RTN2: variants seen among roughly 807,000 people sequenced by gnomAD.
The protein encoded by RTN2 is reticulon 2.
Under a neutral mutation model 63.7 loss-of-function variants are expected in RTN2, and 36 were observed. That is an observed-to-expected ratio of 0.56 (90% CI 0.43 to 0.75). The LOEUF (loss-of-function observed/expected upper bound fraction) is 0.75. Ranked by LOEUF, RTN2 falls within the 30% of genes least tolerant of loss-of-function variation. RTN2 has a pLI of 0.00. For synonymous variants in RTN2, 312 were observed against 313.0 expected, an observed-to-expected ratio of 1.00 and a Z score of 0.03; for missense variants, 673 against 705.1, an observed-to-expected ratio of 0.95 and a Z score of 0.52.
rs936435150 is a variant in RTN2 at position 45,485,561 on chromosome 19, G to A, written c.*147C>T. 6.1e-6 allele frequency: 4 copies of A among 652,506 alleles called. No individual in the cohort carries two copies. Among genetic ancestry groups the A allele is most frequent in the Non-Finnish European group, 1.1e-5 (4 of 365,352 alleles). 40.4% of individuals were successfully genotyped at this position (652,506 alleles called of 1,614,324 possible). A position where few individuals can be genotyped will look rare whatever the true frequency, so the allele number is the denominator to read the frequency against. On this transcript the variant is annotated 3_prime_UTR_variant, in exon 11 of 11. Transcript: ENST00000245923. ...AGTCCTGGTCGCTCAGGTAATTAGC[G>A]CAGAGTCCCTAGTGGGAGTGATCCT...
Position 45,489,409 on chromosome 19 carries a change from G to A in RTN2, c.1178C>T (p.Ser393Phe), listed in dbSNP as rs1282873259. The change falls in exon 6 of 11, where the codon TCT becomes TTT. Residue 393 changes from serine to phenylalanine, a missense_variant. Coordinates refer to ENST00000245923, the MANE Select transcript of RTN2 (RefSeq NM_005619.5). ...LALLLLCGTI[S>F]LRVYRKVLQA... ...CAGCACTTTGCGGTAAACCCTGAGA[G>A]AGATGGTGCCGCAGAGCAGCAACAG... The A allele has an allele frequency of 6.2e-7, 1 of 1,604,236 alleles. No individual in the cohort carries two copies. The highest frequency in any genetic ancestry group is 8.5e-7 in the Non-Finnish European group (1 of 1,175,870).
chr19:45,486,894 C>T (rs1467155376), intron 9 of RTN2, among the ~76,000 whole-genome samples: 2 of 151,262 alleles, frequency 1.3e-5, no homozygotes, highest in African/African-American at 4.9e-5. Flanking sequence ...ACCACCAAGC[C>T]TTGCTAATTT....
At chr19:45,491,192 ATTT>A (rs540698296) in intron 5 of RTN2, among the ~76,000 whole-genome samples, 1 of 141,278 alleles carries the variant, frequency 7.1e-6, no homozygotes, top group Admixed American at 7.1e-5. Flanking sequence ...GCCCGGCCAC[ATTT>A]TTTTTTTTTT....
At chr19:45,493,808 A>G in intron 4 of RTN2, 1 of 290,944 alleles carries the variant, frequency 3.4e-6, no homozygotes, top group Non-Finnish European at 6.5e-6. Context: ...CAGTGGCGCG[A>G]TCTTGGCTCA....
Position 45,488,470 on chromosome 19 carries a change from C to A in RTN2, c.1497+1G>T. The A allele has an allele frequency of 6.2e-7, 1 of 1,613,622 alleles. No homozygotes were observed. Among genetic ancestry groups the A allele is most frequent in the Non-Finnish European group, 8.5e-7 (1 of 1,179,790 alleles). On this transcript the variant is annotated splice_donor_variant, in intron 9 of 10. Coordinates refer to ENST00000245923, the MANE Select transcript of RTN2 (RefSeq NM_005619.5). LOFTEE classifies it high-confidence loss of function. ...CTGACAACTGAGGGTGTCACACTCA[C>A]CTGGTGCTGCCGGTACAGCAGGGGG...
At position 45,488,725 on chromosome 19, in the gene RTN2, G is replaced by T. The variant is rs764849944; in HGVS notation, c.1381-19C>A. 9.9e-6 allele frequency: 16 copies of T among 1,612,124 alleles called. 1 individual carries two copies. In the Admixed American group the frequency reaches 2.5e-4, roughly 25 times the overall value. On this transcript the variant is annotated intron_variant, in intron 7 of 10. Coordinates refer to ENST00000245923, the MANE Select transcript of RTN2 (RefSeq NM_005619.5). ...GGGCCAGCTGGGGGTGAAGGTCAGG[G>T]TCAGCAGAGCCCACCGGGAATTCCC...
rs754128612 is a variant in RTN2 at position 45,494,633 on chromosome 19, G to C, written c.452C>G (p.Ala151Gly). The C allele has an allele frequency of 1.2e-6, 2 of 1,613,860 alleles. No homozygotes were observed. The highest frequency in any genetic ancestry group is 2.2e-5 in the South Asian group (2 of 91,080). Residue 151 changes from alanine to glycine, a missense_variant, in exon 3 of 11, where the codon GCC becomes GGC. Physicochemically the swap from Ala to Gly is moderately conservative, Grantham distance 60. Transcript: ENST00000245923. This position sits in a 1 kb window ranked among gnomAD's most constrained non-coding sequence, Gnocchi z 5.3. ...GTCCTCCCCGGATCCCGTTCCCCGG[G>C]CCACCCAGCCCAGATGGTCCAACCG... ...RLRLDHLGWVARGTGSGEDSS... is the reference protein window; with the variant it reads ...RLRLDHLGWVGRGTGSGEDSS...
chr19:45,494,932 G>A lies in RTN2; in HGVS notation c.153C>T (p.Thr51=), dbSNP rs778128536. ...REFSEEDEEE[T]TSQDWGTPRE... The stretch of plus-strand genomic sequence containing the variant: ...GGGGGGTGCCCCAGTCCTGCGACGT[G>A]GTCTCCTCCTCGTCCTCCTCTGAGA... The change falls in exon 3 of 11, where the codon ACC becomes ACT. Residue 51 remains threonine (T), a synonymous_variant. Transcript: ENST00000245923. The surrounding 1 kb of genome is among the most constrained non-coding windows in gnomAD (Gnocchi z 5.3). The A allele has an allele frequency of 5.0e-6, 8 of 1,613,800 alleles. No homozygotes were observed. The highest frequency in any genetic ancestry group is 1.7e-5 in the Admixed American group (1 of 60,006).
intron 4 of RTN2, 103 bp from the exon 5 acceptor site, chr19:45,493,481 A>G: frequency 1.2e-6 from 1 of 849,490 alleles, no homozygotes; most frequent in Non-Finnish European, 1.9e-6. Flanking sequence ...TCAAATAGAG[A>G]TCGAGTCTCC....
At position 45,493,191 on chromosome 19, in the gene RTN2, G is replaced by C. The variant is rs774696872; in HGVS notation, c.1002C>G (p.Ser334Arg). Residue 334 changes from serine to arginine, a missense_variant, in exon 5 of 11, where the codon AGC becomes AGG. By Grantham distance (110) the Ser-to-Arg change is moderately radical. Coordinates refer to ENST00000245923, the MANE Select transcript of RTN2 (RefSeq NM_005619.5). ...AKSPRSSGVP[S>R]LSLGADMGSK... ...TCCCCATATCGGCTCCGAGTGAGAGGCTGGGGACACCGCTGCTTCTCGGGG... is the reference window on the plus strand; with the variant it reads ...TCCCCATATCGGCTCCGAGTGAGAGCCTGGGGACACCGCTGCTTCTCGGGG... 6.2e-7 allele frequency: 1 copy of C among 1,612,956 alleles called. No homozygotes were observed. The highest frequency in any genetic ancestry group is 1.1e-5 in the South Asian group (1 of 91,030).
chr19:45,490,251 T>C (rs1016594575), intron 5 of RTN2, among the ~76,000 whole-genome samples: 3 of 151,896 alleles, frequency 2.0e-5, no homozygotes, highest in African/African-American at 4.8e-5. Context: ...CCACCCGCCT[T>C]GGCCTCCCAA....
Position 45,493,159 on chromosome 19 carries a change from C to G in RTN2, c.1033+1G>C, listed in dbSNP as rs376030097. 6.2e-7 allele frequency: 1 copy of G among 1,611,586 alleles called. No individual in the cohort carries two copies. The highest frequency in any genetic ancestry group is 2.2e-5 in the East Asian group (1 of 44,872). On this transcript the variant is annotated splice_donor_variant, in intron 5 of 10. Coordinates refer to ENST00000245923, the MANE Select transcript of RTN2 (RefSeq NM_005619.5). LOFTEE classifies it high-confidence loss of function. ...CCGTCCAGCCCGTTCCGCAAGCCCA[C>G]CTTTACTCCCCATATCGGCTCCGAG...
chr19:45,486,242 G>A (rs1968018422), intron 9 of RTN2, 129 bp from the exon 10 acceptor site: 6 of 729,638 alleles, frequency 8.2e-6, no homozygotes, highest in Admixed American at 6.7e-5. Context: ...GCCACCCCCG[G>A]CTCTAAACTT....
At position 45,496,962 on chromosome 19, in the gene RTN2, A is replaced by AGCCGCCGCCGCC. The variant is rs3038807; in HGVS notation, c.-149_-138dup. On this transcript the variant is annotated 5_prime_UTR_variant, in exon 1 of 11. Transcript: ENST00000245923. ...CCGCCTCCTCCTCCCGGGCTGCTCC[A>AGCCGCCGCCGCC]GCCGCCGCCGCCGCCGCCGCCGCCG... 4.1e-4 allele frequency: 138 copies of AGCCGCCGCCGCC among 336,562 alleles called. 1 individual carries two copies. Among genetic ancestry groups the AGCCGCCGCCGCC allele is most frequent in the African/African-American group, 2.0e-3 (89 of 45,222 alleles). The allele number at this position is 336,562 out of a possible 1,614,324, so 20.8% of individuals were successfully genotyped here. A position where few individuals can be genotyped will look rare whatever the true frequency, so the allele number is the denominator to read the frequency against.
At chr19:45,491,098 C>T (rs1265980756) in intron 5 of RTN2, among the ~76,000 whole-genome samples, 1 of 151,800 alleles carries the variant, frequency 6.6e-6, no homozygotes, top group Non-Finnish European at 1.5e-5. Context: ...CCGTGTTAGC[C>T]AGGATGGTCT....
chr19:45,489,265 G>A lies in RTN2; in HGVS notation c.1241+81C>T, dbSNP rs1261243531. ...ATCAAGATGAGTCGGGGTCCGGGTG[G>A]GAGTCGGTGCCTGATTTGAGGTCGT... is the stretch of plus-strand genomic sequence containing the variant. On this transcript the variant is annotated intron_variant, in intron 6 of 10. Transcript: ENST00000245923. 3 of 1,314,334 alleles carry A rather than the reference G, an allele frequency of 2.3e-6. No individual in the cohort carries two copies. The East Asian group carries it at 7.6e-5, about 33-fold the overall frequency. The allele number at this position is 1,314,334 out of a possible 1,614,324, so 81.4% of individuals were successfully genotyped here.
At chr19:45,489,676 C>CA in intron 5 of RTN2, 123 bp from the exon 6 acceptor site, 17 of 501,862 alleles carry the variant, frequency 3.4e-5, no homozygotes, top group Non-Finnish European at 5.2e-5. Context: ...ACCTGATTTC[C>CA]TTTTTTTTTT....
rs377571193 is a variant in RTN2 at position 45,494,848 on chromosome 19, C to T, written c.237G>A (p.Arg79=). The T allele has an allele frequency of 1.2e-6, 2 of 1,604,478 alleles. No individual in the cohort carries two copies. The highest frequency in any genetic ancestry group is 1.7e-6 in the Non-Finnish European group (2 of 1,179,822). Reference sequence around the variant, plus strand: ...GGCGGGGGCGGCGGGCAGTTGAATCCCTGCGGCCCCCGGAGCCCACTACAC... The same window carrying T: ...GGCGGGGGCGGCGGGCAGTTGAATCTCTGCGGCCCCCGGAGCCCACTACAC... ...FDGVVGSGGR[R]DSTARRPRPQ... Residue 79 remains arginine (R), a synonymous_variant, in exon 3 of 11, where the codon AGG becomes AGA. Transcript: ENST00000245923. This position sits in a 1 kb window ranked among gnomAD's most constrained non-coding sequence, Gnocchi z 5.3.
chr19:45,494,981 C>G lies in RTN2; in HGVS notation c.104G>C (p.Arg35Pro). The G allele has an allele frequency of 6.2e-7, 1 of 1,613,270 alleles. No homozygotes were observed. ...TEGGNDDSDF[R>P]ELHTAREFSE... ...GAATTCCCGGGCTGTGTGCAGCTCT[C>G]GAAAATCAGAGTCGTCGTTCCCTCC... Residue 35 changes from arginine (R) to proline (P), a missense_variant, in exon 3 of 11, where the codon CGA (arginine) becomes CCA (proline). Coordinates refer to ENST00000245923, the MANE Select transcript of RTN2 (RefSeq NM_005619.5). The surrounding 1 kb of genome is among the most constrained non-coding windows in gnomAD (Gnocchi z 5.3).
Sources: allele counts gnomAD v4.1 joint callset (sites outside exome capture counted in the v4.1 genomes callset), GRCh38; gene constraint gnomAD v4.1.1; non-coding constraint Gnocchi (gnomAD v3.1); transcripts MANE v1.5; gene names NCBI Gene and HGNC (gene_info 2026-07-23, HGNC 2026-07-21).